Variants in FGD3 observed in about 807,000 individuals in gnomAD.
FGD3 encodes FYVE, RhoGEF and PH domain-containing protein 3.
FGD3 carries 45 observed loss-of-function variants against 71.8 expected under a neutral mutation model. That is an observed-to-expected ratio of 0.63 (90% confidence interval 0.49 to 0.80). The LOEUF (loss-of-function observed/expected upper bound fraction) is 0.80. FGD3 is among the 30% of genes least tolerant of loss of function. FGD3 has a pLI of 0.00. For synonymous variants in FGD3, 378 were observed against 392.8 expected (o/e 0.96, Z 0.44); for missense variants, 844 against 951.5 (o/e 0.89, Z 1.49).
chr9:92,980,182 A>G (rs562394808), intron 3 of FGD3, among the ~76,000 whole-genome samples: 1 of 152,102 alleles, frequency 6.6e-6, no homozygotes, highest in South Asian at 2.1e-4. Flanking sequence ...CACCACGCCC[A>G]GCTAATTTTT....
intron 1 of FGD3, among the ~76,000 whole-genome samples, chr9:92,968,149 C>A (rs1011516846): frequency 2.0e-5 from 3 of 152,006 alleles, no homozygotes; most frequent in Admixed American, 2.0e-4. Context: ...AGGTAGATAC[C>A]CCCCGCCCAC....
chr9:93,034,744 C>T (rs1862525321), intron 17 of FGD3, 63 bp downstream of exon 17: 2 of 1,518,704 alleles, frequency 1.3e-6, no homozygotes, highest in South Asian at 1.2e-5. Flanking sequence ...CCTGAGGCAC[C>T]CACAGCAGGC....
At chr9:93,020,876 G>A (rs10992581) in intron 13 of FGD3, among the ~76,000 whole-genome samples, 1 of 152,042 alleles carries the variant, frequency 6.6e-6, no homozygotes, top group Non-Finnish European at 1.5e-5. Flanking sequence ...ACTAAGTGCC[G>A]CTGCAGCCTG....
intron 3 of FGD3, among the ~76,000 whole-genome samples, chr9:92,983,053 C>A (rs1860054858): frequency 6.7e-6 from 1 of 150,096 alleles, no homozygotes; most frequent in Admixed American, 6.6e-5. Flanking sequence ...ACCACTGTAC[C>A]CCAACCTGAG....
chr9:93,020,249 C>T (rs1005348689), intron 12 of FGD3, 68 bp from the exon 13 acceptor site: 22 of 1,436,078 alleles, frequency 1.5e-5, no homozygotes, highest in South Asian at 1.1e-4. Context: ...GAGGCAGGCG[C>T]GTCCCTCCTG....
intron 1 of FGD3, among the ~76,000 whole-genome samples, chr9:92,974,283 A>T (rs1419933433): frequency 6.4e-4 from 98 of 152,090 alleles, no homozygotes; most frequent in Non-Finnish European, 1.5e-5. Flanking sequence ...GCCATGTTTG[A>T]CCTCTGGAAA....
At chr9:92,952,322 C>T (rs934753836) in intron 1 of FGD3, among the ~76,000 whole-genome samples, 6 of 151,388 alleles carry the variant, frequency 4.0e-5, no homozygotes, top group African/African-American at 7.3e-5. Context: ...CTGCAAGCTC[C>T]GCTTCCTGGC....
chr9:92,967,331 G>A (rs1056712807), intron 1 of FGD3, among the ~76,000 whole-genome samples: 2 of 152,070 alleles, frequency 1.3e-5, no homozygotes, highest in African/African-American at 4.8e-5. Context: ...AACCATCACT[G>A]CCATCCATCT....
At chr9:92,968,607 C>CTTTTTTTTT (rs55908030) in intron 1 of FGD3, among the ~76,000 whole-genome samples, 3 of 143,032 alleles carry the variant, frequency 2.1e-5, no homozygotes, top group Admixed American at 7.0e-5. Context: ...TTCTTTCTTT[C>CTTTTTTTTT]TTTTTTTTTT....
At position 92,953,259 on chromosome 9, in the gene FGD3, T is replaced by G. The variant is rs1197960401; in HGVS notation, c.-218+5530T>G. ...AAAAATGCACCAGATGCAGCACTTTTGTGTAAGTATAGACACATCAGGGCT... is the reference window on the plus strand; with the variant it reads ...AAAAATGCACCAGATGCAGCACTTTGGTGTAAGTATAGACACATCAGGGCT... On this transcript the variant is annotated intron_variant, in intron 1 of 17. Transcript: ENST00000375482. 2.6e-5 allele frequency among the ~76,000 whole-genome samples: 4 copies of G among 152,216 alleles called. No homozygotes were observed. In the East Asian group the frequency reaches 7.7e-4, roughly 29 times the overall value.
intron 1 of FGD3, among the ~76,000 whole-genome samples, chr9:92,970,233 G>A (rs1411341555): frequency 6.6e-6 from 1 of 152,226 alleles, no homozygotes; most frequent in South Asian, 2.1e-4. Context: ...CGTCCCCTGC[G>A]AATGTGAGAA....
intron 3 of FGD3, among the ~76,000 whole-genome samples, chr9:93,002,504 A>G (rs1860892680): frequency 6.6e-6 from 1 of 151,894 alleles, no homozygotes; most frequent in Admixed American, 6.6e-5. Context: ...CTTGCCAAAC[A>G]TCACCAATTT....
intron 3 of FGD3, among the ~76,000 whole-genome samples, chr9:92,995,197 G>T (rs1361949245): frequency 6.6e-6 from 1 of 152,134 alleles, no homozygotes; most frequent in Non-Finnish European, 1.5e-5. Context: ...CACATCCCTT[G>T]TAAGTTGGAT....
At chr9:92,990,888 T>C (rs186742526) in intron 3 of FGD3, among the ~76,000 whole-genome samples, 84 of 152,304 alleles carry the variant, frequency 5.5e-4, no homozygotes, top group Admixed American at 5.2e-3. Context: ...TTCTTTTTTG[T>C]TGTGTCTTTT....
At chr9:92,988,233 C>T (rs1169593091) in intron 3 of FGD3, among the ~76,000 whole-genome samples, 8 of 152,226 alleles carry the variant, frequency 5.3e-5, no homozygotes, top group African/African-American at 1.9e-4. Context: ...GGCCAGGCTT[C>T]TCCCCTGCAT....
intron 1 of FGD3, among the ~76,000 whole-genome samples, chr9:92,965,364 C>T (rs545399951): frequency 3.7e-4 from 57 of 152,330 alleles, no homozygotes; most frequent in Middle Eastern, 3.4e-3. Context: ...GCTGACTTGC[C>T]CTGGGCCCCC....
At chr9:93,014,185 A>G (rs1175297340) in intron 9 of FGD3, among the ~76,000 whole-genome samples, 187 bp downstream of exon 9, 1 of 152,002 alleles carries the variant, frequency 6.6e-6, no homozygotes, top group East Asian at 1.9e-4. Flanking sequence ...TCCCTCCTCC[A>G]CATCCAGACA....
chr9:92,949,668 A>G, intron 1 of FGD3, among the ~76,000 whole-genome samples: 1 of 152,226 alleles, frequency 6.6e-6, no homozygotes, highest in Non-Finnish European at 1.5e-5. Flanking sequence ...CAGGGCCACC[A>G]GGCAGCGGCT....
intron 1 of FGD3, among the ~76,000 whole-genome samples, chr9:92,968,627 G>A (rs1210522361): frequency 2.3e-4 from 29 of 126,396 alleles, no homozygotes; most frequent in African/African-American, 7.7e-4. Flanking sequence ...TTTTTGACAC[G>A]GAGTCTCACT....
Sources: allele counts gnomAD v4.1 joint callset (sites outside exome capture counted in the v4.1 genomes callset), GRCh38; gene constraint gnomAD v4.1.1; transcripts MANE v1.5; gene names NCBI Gene and HGNC (gene_info 2026-07-23, HGNC 2026-07-21).